SYN3: variants seen among roughly 807,000 people sequenced by gnomAD.
The protein encoded by SYN3 is synapsin-3.
SYN3 carries 35 observed loss-of-function variants against 65.8 expected under a neutral mutation model. The observed-to-expected ratio is 0.53, with a 90% CI of 0.41 to 0.70. The LOEUF is 0.70. Ranked by LOEUF, SYN3 falls within the 30% of genes least tolerant of loss-of-function variation. The pLI is 0.00. For missense variants in SYN3, 680 were observed against 749.0 expected (o/e 0.91, Z 1.08); for synonymous variants, 270 against 292.9 (o/e 0.92, Z 0.80).
At chr22:32,927,265 T>G in intron 4 of SYN3, among the ~76,000 whole-genome samples, 1 of 22,938 alleles carries the variant, frequency 4.4e-5, no homozygotes, top group African/African-American at 4.1e-4. Context: ...TATATTTACT[T>G]TTTTTTTTTT....
rs572661509 is a variant in SYN3, at chr22:32,563,075, G to A, written c.775-21362C>T. Reference sequence around the variant, plus strand: ...AGAGTGGCCTCTGGAGTCAGAGCATGTGGCTTTCAGTTCTGACTCACCGAT... The same window carrying A: ...AGAGTGGCCTCTGGAGTCAGAGCATATGGCTTTCAGTTCTGACTCACCGAT... On this transcript the variant is annotated intron_variant, in intron 7 of 13. Transcript: ENST00000358763. 3.1e-4 allele frequency among the ~76,000 whole-genome samples: 47 copies of A among 152,368 alleles called. No homozygotes were observed. In the South Asian group the frequency reaches 9.5e-3, roughly 31 times the overall value.
intron 6 of SYN3, among the ~76,000 whole-genome samples, chr22:32,619,734 G>A (rs879544503): frequency 6.6e-5 from 10 of 152,056 alleles, no homozygotes; most frequent in Non-Finnish European, 8.8e-5. Flanking sequence ...TTTGAATCTG[G>A]GCTGGCCTTG....
intron 2 of SYN3, among the ~76,000 whole-genome samples, chr22:32,993,044 G>C (rs1398250398): frequency 6.6e-6 from 1 of 152,138 alleles, no homozygotes; most frequent in Non-Finnish European, 1.5e-5. Flanking sequence ...AACAAGCCGG[G>C]CTTGTTCTTC....
intron 3 of SYN3, among the ~76,000 whole-genome samples, chr22:32,970,255 C>G (rs923583607): frequency 4.6e-5 from 7 of 152,206 alleles, no homozygotes; most frequent in African/African-American, 1.7e-4. Context: ...AAATTACCAC[C>G]TCAAGGTTAC....
At chr22:32,895,049 T>A (rs1456037643) in intron 4 of SYN3, among the ~76,000 whole-genome samples, 1 of 152,208 alleles carries the variant, frequency 6.6e-6, no homozygotes, top group African/African-American at 2.4e-5. Context: ...TCAGCTGATA[T>A]GAGTGACTGA....
At chr22:32,963,526 G>T (rs1422086620) in intron 3 of SYN3, among the ~76,000 whole-genome samples, 1 of 152,112 alleles carries the variant, frequency 6.6e-6, no homozygotes, top group Non-Finnish European at 1.5e-5. Context: ...ATGGATGGAT[G>T]GATGACTGAA....
At chr22:32,688,076 G>A (rs2060615254) in intron 6 of SYN3, among the ~76,000 whole-genome samples, 1 of 152,160 alleles carries the variant, frequency 6.6e-6, no homozygotes, top group South Asian at 2.1e-4. Flanking sequence ...TATATCCCCA[G>A]TGGATGTCAG....
intron 6 of SYN3, among the ~76,000 whole-genome samples, chr22:32,755,268 G>C (rs2045255487): frequency 6.6e-6 from 1 of 152,186 alleles, no homozygotes; most frequent in African/African-American, 2.4e-5. Context: ...GAAATTACTG[G>C]TTCAAGATGG....
At chr22:32,759,665 C>T (rs116740099) in intron 6 of SYN3, among the ~76,000 whole-genome samples, 11,989 of 127,370 alleles carry the variant, frequency 0.094, 1,099 homozygotes, top group Middle Eastern at 0.13. Flanking sequence ...CCCCAGCCAG[C>T]ACCCACGGCA....
chr22:32,939,962 T>C (rs961490240), intron 3 of SYN3, among the ~76,000 whole-genome samples: 2 of 152,226 alleles, frequency 1.3e-5, no homozygotes, highest in East Asian at 1.9e-4. Context: ...CCAATTTACA[T>C]ACCGTTAGCA....
chr22:32,626,971 C>A (rs1265246501), intron 6 of SYN3, among the ~76,000 whole-genome samples: 1 of 152,150 alleles, frequency 6.6e-6, no homozygotes, highest in African/African-American at 2.4e-5. Flanking sequence ...GTGTTGTCTC[C>A]CTGCACCCCC....
intron 4 of SYN3, among the ~76,000 whole-genome samples, chr22:32,904,198 T>C (rs1333650111): frequency 6.6e-6 from 1 of 152,230 alleles, no homozygotes; most frequent in African/African-American, 2.4e-5. Context: ...CTGGACTACA[T>C]TTCCCAGCAG....
At chr22:32,678,224 A>C (rs966261368) in intron 6 of SYN3, among the ~76,000 whole-genome samples, 2 of 152,194 alleles carry the variant, frequency 1.3e-5, no homozygotes, top group Non-Finnish European at 2.9e-5. Context: ...TTGACTCTAG[A>C]ATGGAAGTCC....
At chr22:32,559,305 T>G (rs1441231153) in intron 7 of SYN3, among the ~76,000 whole-genome samples, 1 of 152,080 alleles carries the variant, frequency 6.6e-6, no homozygotes, top group Admixed American at 6.6e-5. Flanking sequence ...ATGGCAGGGT[T>G]GGGTGGGAAG....
At chr22:32,853,040 T>C (rs962977499) in intron 6 of SYN3, among the ~76,000 whole-genome samples, 14 of 152,228 alleles carry the variant, frequency 9.2e-5, no homozygotes, top group African/African-American at 3.4e-4. Context: ...GTGCTTTGCA[T>C]GTCCTGACTG....
intron 6 of SYN3, among the ~76,000 whole-genome samples, chr22:32,663,174 T>C (rs1442317985): frequency 6.6e-6 from 1 of 152,198 alleles, no homozygotes; most frequent in Non-Finnish European, 1.5e-5. Flanking sequence ...AGGAAACCCC[T>C]TTCGCTTGGC....
intron 6 of SYN3, among the ~76,000 whole-genome samples, chr22:32,625,127 C>T (rs760514120): frequency 4.6e-5 from 7 of 152,176 alleles, no homozygotes; most frequent in Non-Finnish European, 8.8e-5. Context: ...GCAGGGAGCC[C>T]GTCACAGTCA....
intron 6 of SYN3, among the ~76,000 whole-genome samples, chr22:32,653,862 G>T (rs1377397863): frequency 3.3e-5 from 5 of 152,208 alleles, no homozygotes. Flanking sequence ...GCCCAATAAA[G>T]GTATCTCCTC....
rs1197125554 is a variant in SYN3 at position 32,859,573 on chromosome 22, T to G, written c.711+5342A>C. On this transcript the variant is annotated intron_variant, in intron 6 of 13. Transcript: ENST00000358763. Reference sequence around the variant, plus strand: ...CCTCCTGGCCCCACCCTGCCCCTTCTTTTTGGTTTTGACATCATTCATTTC... The same window carrying G: ...CCTCCTGGCCCCACCCTGCCCCTTCGTTTTGGTTTTGACATCATTCATTTC... 4.6e-5 allele frequency: 32 copies of G among 694,852 alleles called. No homozygotes were observed. In the East Asian group the frequency reaches 9.0e-4, roughly 19 times the overall value. 43.0% of individuals were successfully genotyped at this position (694,852 alleles called of 1,614,324 possible). A position where few individuals can be genotyped will look rare whatever the true frequency, so the allele number is the denominator to read the frequency against.
Sources: allele counts gnomAD v4.1 joint callset (sites outside exome capture counted in the v4.1 genomes callset), GRCh38; gene constraint gnomAD v4.1.1; transcripts MANE v1.5; gene names NCBI Gene and HGNC (gene_info 2026-07-23, HGNC 2026-07-21).